Variants in CNGB1 observed in about 807,000 individuals in gnomAD.
The protein encoded by CNGB1 is cyclic nucleotide gated channel subunit beta 1, also known as cyclic nucleotide-gated channel beta-1.
CNGB1 carries 126 observed loss-of-function variants against 151.7 expected under a neutral mutation model. The ratio of observed to expected loss-of-function variants is 0.83; its 90% CI spans 0.72 to 0.96. CNGB1 has a LOEUF of 0.96. Ranked by LOEUF, CNGB1 falls within the 40% of genes least tolerant of loss-of-function variation. The pLI is 0.00. For synonymous variants in CNGB1, 623 were observed against 635.1 expected, an observed-to-expected ratio of 0.98 and a Z score of 0.29; for missense variants, 1,698 against 1,627.0, an observed-to-expected ratio of 1.04 and a Z score of -0.75.
intron 14 of CNGB1, among the ~76,000 whole-genome samples, chr16:57,949,131 TG>T (rs752513201): frequency 6.8e-6 from 1 of 147,006 alleles, no homozygotes; most frequent in Non-Finnish European, 1.5e-5. Context: ...TTCTAGTGTG[TG>T]TGGGGGGGGA....
intron 12 of CNGB1, among the ~76,000 whole-genome samples, chr16:57,952,149 C>T (rs1256464074): frequency 6.6e-6 from 1 of 152,266 alleles, no homozygotes; most frequent in African/African-American, 2.4e-5. Flanking sequence ...GGGAACAGAA[C>T]ATCTTGCCTG....
At chr16:57,938,510 G>A (rs1418320682) in intron 16 of CNGB1, among the ~76,000 whole-genome samples, 1 of 152,140 alleles carries the variant, frequency 6.6e-6, no homozygotes, top group African/African-American at 2.4e-5. Context: ...CCAGCAACCT[G>A]TGAGCTAGGT....
chr16:57,938,404 C>T (rs373968475), intron 16 of CNGB1, among the ~76,000 whole-genome samples: 6 of 152,326 alleles, frequency 3.9e-5, no homozygotes, highest in African/African-American at 7.2e-5. Flanking sequence ...TTCAACCACT[C>T]GCTGGCCGAG....
chr16:57,891,554 C>CATTATT (rs1405961568), intron 31 of CNGB1, among the ~76,000 whole-genome samples: 2 of 151,818 alleles, frequency 1.3e-5, no homozygotes, highest in African/African-American at 4.8e-5. Context: ...TTTTTAAAGA[C>CATTATT]ATTATTATTA....
At chr16:57,897,943 G>T in intron 29 of CNGB1, 29 bp from the exon 30 acceptor site, 1 of 1,608,602 alleles carries the variant, frequency 6.2e-7, no homozygotes, top group Non-Finnish European at 8.5e-7. Flanking sequence ...AAGTCCCTCT[G>T]TTCATCCCCC....
At chr16:57,957,201 G>C in intron 12 of CNGB1, 140 bp downstream of exon 12, 1 of 749,326 alleles carries the variant, frequency 1.3e-6, no homozygotes, top group Non-Finnish European at 2.3e-6. Flanking sequence ...CTCAGCTCCA[G>C]CCCAGGAGAC....
At chr16:57,948,337 T>C (rs1961860190) in intron 14 of CNGB1, among the ~76,000 whole-genome samples, 1 of 144,770 alleles carries the variant, frequency 6.9e-6, no homozygotes. Context: ...TTTTTTTAAG[T>C]AGAGATGGGG....
chr16:57,925,783 G>A (rs1420682523), intron 17 of CNGB1, among the ~76,000 whole-genome samples: 3 of 152,228 alleles, frequency 2.0e-5, no homozygotes, highest in East Asian at 3.9e-4. Flanking sequence ...TGCCTCCCGG[G>A]TTCAAGCAAT....
chr16:57,927,753 C>T (rs1961229458), intron 17 of CNGB1, among the ~76,000 whole-genome samples: 2 of 152,190 alleles, frequency 1.3e-5, no homozygotes, highest in South Asian at 4.1e-4. Context: ...CCACCCCCTA[C>T]CCAGCCCAGC....
chr16:57,900,412 T>TC (rs1171062165), intron 29 of CNGB1, among the ~76,000 whole-genome samples: 4 of 152,240 alleles, frequency 2.6e-5, no homozygotes, highest in East Asian at 1.9e-4. Flanking sequence ...GGGTAATGTT[T>TC]CCCCCCGTAT....
intron 25 of CNGB1, among the ~76,000 whole-genome samples, chr16:57,905,508 G>A (rs1478104172): frequency 6.6e-6 from 1 of 152,252 alleles, no homozygotes; most frequent in Non-Finnish European, 1.5e-5. Context: ...CTGGAAGGGA[G>A]GTATGGGGGA....
intron 9 of CNGB1, 88 bp from the exon 10 acceptor site, chr16:57,960,153 G>A (rs1245984057): frequency 3.0e-5 from 45 of 1,521,282 alleles, no homozygotes; most frequent in Admixed American, 4.0e-5. Flanking sequence ...GATTCGAGTC[G>A]CTAACAGGAC....
At position 57,939,518 on chromosome 16, in the gene CNGB1, C is replaced by T. The variant is rs1180302295; in HGVS notation, c.1284G>A (p.Val428=). The T allele has an allele frequency of 6.2e-6, 10 of 1,613,944 alleles. No individual in the cohort carries two copies. In the South Asian group the frequency reaches 8.8e-5, roughly 14 times the overall value. The part of the protein sequence containing the change: ...EEKAKEEAEE[V]AEEEAEKEPQ... ...GCTCCTTTTCAGCCTCCTCTTCAGCCACCTCCTCGGCCTCCTCCTTGGCCT... is the reference window on the plus strand; with the variant it reads ...GCTCCTTTTCAGCCTCCTCTTCAGCTACCTCCTCGGCCTCCTCCTTGGCCT... Residue 428 remains valine (V), a synonymous_variant, in exon 16 of 33, where the codon GTG becomes GTA. Transcript: ENST00000251102.
chr16:57,898,775 CTT>C (rs1327887961), intron 29 of CNGB1, among the ~76,000 whole-genome samples: 3 of 152,200 alleles, frequency 2.0e-5, no homozygotes, highest in Non-Finnish European at 4.4e-5. Context: ...CGAGATCACT[CTT>C]TGCCCAAGAG....
chr16:57,921,602 G>T (rs1408798406), intron 18 of CNGB1, among the ~76,000 whole-genome samples: 1 of 152,056 alleles, frequency 6.6e-6, no homozygotes, highest in Non-Finnish European at 1.5e-5. Flanking sequence ...TCTCTCCTGT[G>T]GTGCACACTC....
intron 17 of CNGB1, among the ~76,000 whole-genome samples, chr16:57,927,958 C>T (rs1413426842): frequency 1.3e-5 from 2 of 152,212 alleles, no homozygotes; most frequent in African/African-American, 4.8e-5. Context: ...GACCTCACAG[C>T]CCTCAGTTTG....
chr16:57,939,918 C>T (rs1961618003), intron 15 of CNGB1, among the ~76,000 whole-genome samples: 1 of 152,198 alleles, frequency 6.6e-6, no homozygotes, highest in Non-Finnish European at 1.5e-5. Context: ...GGTCCTCCTA[C>T]AGGCCCAAGG....
In CNGB1 at chr16:57,897,507, G is replaced by A. The variant is rs369503135; in HGVS notation, c.3132C>T (p.Ala1044=). 1.9e-5 allele frequency: 31 copies of A among 1,614,110 alleles called. No individual in the cohort carries two copies. In the African/African-American group the frequency reaches 3.3e-4, roughly 17 times the overall value. ...TGGTAAACCCGTGCGCCACCACGTT[G>A]GCCGTGCGCCGGTTCCCGCCCCCAA... ...LAVGGGNRRT[A]NVVAHGFTNL... Residue 1044 remains alanine (A), a synonymous_variant, in exon 31 of 33, where the codon GCC becomes GCT. Transcript: ENST00000251102.
chr16:57,962,720 C>T, intron 6 of CNGB1, 110 bp from the exon 7 acceptor site: 1 of 1,565,504 alleles, frequency 6.4e-7, no homozygotes, highest in Non-Finnish European at 8.7e-7. Context: ...AGGTTCAAAG[C>T]AGGGTCAGTC....
Sources: gnomAD v4.1 joint callset for allele counts (sites outside exome capture counted in the v4.1 genomes callset) on GRCh38, gnomAD v4.1.1 for gene constraint, MANE v1.5 for transcripts, NCBI Gene and HGNC (gene_info 2026-07-23, HGNC 2026-07-21) for gene names.